The following DNASE1L3 variants were observed in gnomAD, a reference collection of about 807,000 sequenced individuals.
The protein encoded by DNASE1L3 is deoxyribonuclease 1L3.
A neutral mutation model predicts 30.9 loss-of-function variants in DNASE1L3; 27 were observed. The ratio of observed to expected loss-of-function variants is 0.87; its 90% CI spans 0.64 to 1.20. The LOEUF (loss-of-function observed/expected upper bound fraction) is 1.20, where lower values mean the gene tolerates loss of function less well. Ranked by LOEUF, DNASE1L3 falls within the 50% of genes most tolerant of loss-of-function variation. The probability of loss-of-function intolerance (pLI) is 0.00; values close to 1 mark genes in which losing one functional copy is unlikely to be tolerated. For missense variants in DNASE1L3, 364 were observed against 378.2 expected (o/e 0.96, Z 0.31); for synonymous variants, 135 against 138.0 (o/e 0.98, Z 0.15).
chr3:58,200,942 G>C lies in DNASE1L3; in HGVS notation c.546+55C>G. 1 of 1,485,330 alleles carries C rather than the reference G, an allele frequency of 6.7e-7. No homozygotes were observed. Among genetic ancestry groups the C allele is most frequent in the Non-Finnish European group, 9.3e-7 (1 of 1,074,816 alleles). The allele number at this position is 1,485,330 out of a possible 1,614,324, so 92.0% of individuals were successfully genotyped here. The stretch of plus-strand genomic sequence containing the variant: ...CCTGGAGAGGTACTCATCCCACTCA[G>C]GGACCAGAGCCTGCCCCTGCTAGAT... On this transcript the variant is annotated intron_variant, in intron 5 of 7. Coordinates refer to ENST00000394549, the MANE Select transcript of DNASE1L3 (RefSeq NM_004944.4). This position sits in a 1 kb window ranked among gnomAD's most constrained non-coding sequence, Gnocchi z 4.2.
chr3:58,204,941 G>A (rs1323658776), intron 3 of DNASE1L3, 60 bp from the exon 4 acceptor site: 2 of 1,511,036 alleles, frequency 1.3e-6, no homozygotes, highest in African/African-American at 2.8e-5. Flanking sequence ...CTACTTTCAT[G>A]AAGCAGAGAT....
intron 4 of DNASE1L3, among the ~76,000 whole-genome samples, 200 bp from the exon 5 acceptor site, chr3:58,201,309 C>T (rs562284558): frequency 6.6e-6 from 1 of 152,328 alleles, no homozygotes; most frequent in South Asian, 2.1e-4. Flanking sequence ...ACACGAAAGA[C>T]TCATTTCTCC....
chr3:58,192,810 G>A lies in DNASE1L3; in HGVS notation c.802-7C>T, dbSNP rs2097395017. On this transcript the variant is annotated splice_region_variant and splice_polypyrimidine_tract_variant and intron_variant, in intron 7 of 7. Transcript: ENST00000394549. The surrounding 1 kb of genome is among the most constrained non-coding windows in gnomAD (Gnocchi z 4.8). ...GGTCGCTGACATCCAGGGCCTATAA[G>A]GAGAAAGGGGAGGTAGACATGGAAA... The A allele has an allele frequency of 6.2e-7, 1 of 1,609,044 alleles. No homozygotes were observed.
intron 2 of DNASE1L3, 34 bp downstream of exon 2, chr3:58,208,184 T>C (rs372702807): frequency 9.3e-6 from 15 of 1,607,214 alleles, no homozygotes; most frequent in Non-Finnish European, 1.2e-5. Flanking sequence ...CACTTGACCT[T>C]GAGCCCTAGA....
chr3:58,204,908 C>T (rs529663615), intron 3 of DNASE1L3, 27 bp from the exon 4 acceptor site: 167 of 1,602,732 alleles, frequency 1.0e-4, no homozygotes, highest in Non-Finnish European at 1.4e-4. Context: ...GAAGTCCTCC[C>T]AGCTGAGTCA....
intron 2 of DNASE1L3, among the ~76,000 whole-genome samples, chr3:58,206,609 C>T (rs1309341951): frequency 6.6e-6 from 1 of 152,062 alleles, no homozygotes; most frequent in Non-Finnish European, 1.5e-5. Flanking sequence ...TTGGAGTCCG[C>T]GACAGTCTAG....
At chr3:58,204,288 G>A (rs536801083) in intron 4 of DNASE1L3, among the ~76,000 whole-genome samples, 5 of 151,900 alleles carry the variant, frequency 3.3e-5, no homozygotes, top group South Asian at 2.1e-4. Flanking sequence ...TTACAGGTGC[G>A]CACCACCATG....
In DNASE1L3 at chr3:58,194,314, C is replaced by CTTTT. The variant is rs11358965; in HGVS notation, c.705-879_705-876dup. Among the ~76,000 whole-genome samples, 795 of 89,040 alleles carry CTTTT rather than the reference C, an allele frequency of 8.9e-3. 40 individuals carry two copies. The highest frequency in any genetic ancestry group is 0.017 in the African/African-American group (376 of 21,514). The allele number at this position is 89,040 out of a possible 152,430, so 58.4% of individuals were successfully genotyped here. A position where few individuals can be genotyped will look rare whatever the true frequency, so the allele number is the denominator to read the frequency against. On this transcript the variant is annotated intron_variant, in intron 6 of 7. Coordinates refer to ENST00000394549, the MANE Select transcript of DNASE1L3 (RefSeq NM_004944.4). ...TTGCTAACATCACCAGCACAACTAA[C>CTTTT]TTTTTTTTTTTTTTTTTTTTTTTTG...
rs1356844754 is a variant in DNASE1L3 at position 58,197,922 on chromosome 3, G to T, written c.603C>A (p.Ala201=). The change falls in exon 6 of 8, where the codon GCC becomes GCA. Residue 201 remains alanine (A), a synonymous_variant. Transcript: ENST00000394549. This position sits in a 1 kb window ranked among gnomAD's most constrained non-coding sequence, Gnocchi z 5.3. ...CAGTCCTCAAGCGGATGTTCTTCCA[G>T]GCCTTCTTGGGGACGTAGCTGCAGC... is the stretch of plus-strand genomic sequence containing the variant. ...NAGCSYVPKK[A]WKNIRLRTDP... is the part of the protein sequence containing the mutation. 6.2e-7 allele frequency: 1 copy of T among 1,614,038 alleles called. No individual in the cohort carries two copies. Among genetic ancestry groups the T allele is most frequent in the South Asian group, 1.1e-5 (1 of 91,032 alleles).
In DNASE1L3 at chr3:58,197,080, G is replaced by A. The variant is rs2097397899; in HGVS notation, c.704+741C>T. Among the ~76,000 whole-genome samples the A allele has an allele frequency of 6.6e-6, 1 of 152,166 alleles. No homozygotes were observed. The highest frequency in any genetic ancestry group is 2.4e-5 in the African/African-American group (1 of 41,436). On this transcript the variant is annotated intron_variant, in intron 6 of 7. Coordinates refer to ENST00000394549, the MANE Select transcript of DNASE1L3 (RefSeq NM_004944.4). This position sits in a 1 kb window ranked among gnomAD's most constrained non-coding sequence, Gnocchi z 5.3. ...TCAATTGCGGTAAGTCTTTGTGATG[G>A]AACAATGATCAGCCCATGAATGTAA...
At chr3:58,198,627 C>T (rs1365298474) in intron 5 of DNASE1L3, among the ~76,000 whole-genome samples, 2 of 152,218 alleles carry the variant, frequency 1.3e-5, no homozygotes, top group African/African-American at 4.8e-5. Context: ...TTAGTCGCCA[C>T]ATTTCCATAA....
intron 2 of DNASE1L3, 120 bp downstream of exon 2, chr3:58,208,098 A>G: frequency 4.3e-6 from 4 of 938,566 alleles, no homozygotes; most frequent in Non-Finnish European, 6.7e-6. Context: ...CCTGGGCAAC[A>G]CTGGCTGTGT....
chr3:58,196,680 T>C (rs1173898684), intron 6 of DNASE1L3, among the ~76,000 whole-genome samples: 5 of 151,518 alleles, frequency 3.3e-5, no homozygotes, highest in African/African-American at 1.2e-4. Context: ...GGCCACCACC[T>C]GGGACCAGGC....
intron 2 of DNASE1L3, among the ~76,000 whole-genome samples, chr3:58,207,032 C>T (rs761712877): frequency 1.3e-5 from 2 of 152,134 alleles, no homozygotes; most frequent in Non-Finnish European, 2.9e-5. Flanking sequence ...TGCTCCTGCC[C>T]AAGACCCAGA....
At chr3:58,194,569 C>T (rs557165991) in intron 6 of DNASE1L3, among the ~76,000 whole-genome samples, 1 of 151,090 alleles carries the variant, frequency 6.6e-6, no homozygotes, top group East Asian at 1.9e-4. Flanking sequence ...ATCCGCCCAC[C>T]TCAACCTCCC....
Position 58,193,270 on chromosome 3 carries a change from A to G in DNASE1L3, c.801+73T>C, listed in dbSNP as rs144058112. The G allele has an allele frequency of 4.0e-3, 6,161 of 1,558,648 alleles. 72 individuals carry two copies. The highest frequency in any genetic ancestry group is 0.026 in the African/African-American group (1,947 of 73,820). Reference sequence around the variant, plus strand: ...TTTTTTGAATTTTTCATAGAGATGGAGTCTCATCATGTTGCCCAAGCTAAC... The same window carrying G: ...TTTTTTGAATTTTTCATAGAGATGGGGTCTCATCATGTTGCCCAAGCTAAC... On this transcript the variant is annotated intron_variant, in intron 7 of 7. Coordinates refer to ENST00000394549, the MANE Select transcript of DNASE1L3 (RefSeq NM_004944.4).
Position 58,192,792 on chromosome 3 carries a change from G to A in DNASE1L3, c.813C>T (p.Val271=), listed in dbSNP as rs1459154419. 4 of 1,613,854 alleles carry A rather than the reference G, an allele frequency of 2.5e-6. No individual in the cohort carries two copies. Among genetic ancestry groups the A allele is most frequent in the Admixed American group, 1.7e-5 (1 of 59,958 alleles). Reference sequence around the variant, plus strand: ...TAAATTCAACTGGAAAGTGGTCGCTGACATCCAGGGCCTATAAGGAGAAAG... The same window carrying A: ...TAAATTCAACTGGAAAGTGGTCGCTAACATCCAGGGCCTATAAGGAGAAAG... ...YKLTEEEALD[V]SDHFPVEFKL... is the part of the protein sequence containing the mutation. The change falls in exon 8 of 8, where the codon GTC becomes GTT. Residue 271 remains valine, a synonymous_variant. Transcript: ENST00000394549. This position sits in a 1 kb window ranked among gnomAD's most constrained non-coding sequence, Gnocchi z 4.8.
intron 6 of DNASE1L3, among the ~76,000 whole-genome samples, chr3:58,195,593 C>G (rs1166584807): frequency 7.4e-6 from 1 of 135,252 alleles, no homozygotes; most frequent in South Asian, 2.3e-4. Context: ...CATGGCGAAA[C>G]CCCATCTCTA....
chr3:58,204,684 T>C (rs1484710804), intron 4 of DNASE1L3, 85 bp downstream of exon 4: 1 of 1,129,640 alleles, frequency 8.9e-7, no homozygotes, highest in Non-Finnish European at 1.3e-6. Flanking sequence ...GCCTAATGCC[T>C]CCTTAATGGG....
Sources: gnomAD v4.1 joint callset for allele counts (sites outside exome capture counted in the v4.1 genomes callset) on GRCh38, gnomAD v4.1.1 for gene constraint, Gnocchi (gnomAD v3.1) non-coding constraint, MANE v1.5 for transcripts, NCBI Gene and HGNC (gene_info 2026-07-23, HGNC 2026-07-21) for gene names.